Variants in SPAG9 observed in about 807,000 individuals in gnomAD.
The protein encoded by SPAG9 is sperm associated antigen 9.
A neutral mutation model predicts 166.5 loss-of-function variants in SPAG9; 35 were observed. The observed-to-expected ratio is 0.21, with a 90% CI of 0.16 to 0.28. SPAG9 has a LOEUF of 0.28. SPAG9 is among the 10% of genes least tolerant of loss of function. The pLI is 1.00. For missense variants in SPAG9, 1,235 were observed against 1,603.3 expected (o/e 0.77, Z 3.92); for synonymous variants, 534 against 565.5 (o/e 0.94, Z 0.79).
In SPAG9 at chr17:51,108,076, T is replaced by A. The variant is rs1377296536; in HGVS notation, c.303+12278A>T. Among the ~76,000 whole-genome samples, 3 of 144,460 alleles carry A rather than the reference T, an allele frequency of 2.1e-5. No homozygotes were observed. The Admixed American group carries it at 2.1e-4, about 10-fold the overall frequency. The allele number at this position is 144,460 out of a possible 152,430, so 94.8% of individuals were successfully genotyped here. A position where few individuals can be genotyped will look rare whatever the true frequency, so the allele number is the denominator to read the frequency against. On this transcript the variant is annotated intron_variant, in intron 1 of 29. Transcript: ENST00000262013. ...AGAAACAAGATATCCTGGAAATACA[T>A]GATTTAAGAAAAAAAAAAAAAAAAG... is the stretch of plus-strand genomic sequence containing the variant.
rs778222462 is a variant in SPAG9 at position 50,995,101 on chromosome 17, T to C, written c.2182A>G (p.Ser728Gly). ...TTATCTAAACTACTCTGAGAGGCAC[T>C]TCGCTGTTTACTGCCTTCTGTATCC... ...GLDTEGSKQR[S>G]ASQSSLDKLD... The change falls in exon 18 of 30, where the codon AGT (serine) becomes GGT (glycine). Residue 728 changes from serine to glycine, a missense_variant. Coordinates refer to ENST00000262013, the MANE Select transcript of SPAG9 (RefSeq NM_001130528.3). 2 of 1,613,978 alleles carry C rather than the reference T, an allele frequency of 1.2e-6. No individual in the cohort carries two copies. Among genetic ancestry groups the C allele is most frequent in the Non-Finnish European group, 1.7e-6 (2 of 1,179,992 alleles).
In SPAG9 at chr17:50,979,859, C is replaced by T; in HGVS notation, c.3296G>A (p.Gly1099Glu). ...GCGAATGGAGACCCACACGCCATCC[C>T]CCACCCACGCAAGCTGTCGCACTTG... ...ESQVRQLAWV[G>E]DGVWVSIRLD... Residue 1099 changes from glycine to glutamate, a missense_variant, in exon 26 of 30, where the codon GGG (glycine) becomes GAG (glutamate). Gly to Glu is a moderately conservative substitution (Grantham distance 98). Coordinates refer to ENST00000262013, the MANE Select transcript of SPAG9 (RefSeq NM_001130528.3). 1 of 1,614,142 alleles carries T rather than the reference C, an allele frequency of 6.2e-7. No individual in the cohort carries two copies. The highest frequency in any genetic ancestry group is 1.7e-5 in the Admixed American group (1 of 60,022).
chr17:50,985,704 C>T lies in SPAG9; in HGVS notation c.3014G>A (p.Ser1005Asn). The T allele has an allele frequency of 2.5e-6, 4 of 1,581,870 alleles. No homozygotes were observed. Among genetic ancestry groups the T allele is most frequent in the Non-Finnish European group, 3.5e-6 (4 of 1,152,362 alleles). The change falls in exon 23 of 30, where the codon AGT (serine) becomes AAT (asparagine). Residue 1005 changes from serine (S) to asparagine (N), a missense_variant. Physicochemically the swap from Ser to Asn is conservative, Grantham distance 46. This residue lies in a region of SPAG9 where 493 missense variants were observed against 559.4 expected (regional missense o/e 0.88). Coordinates refer to ENST00000262013, the MANE Select transcript of SPAG9 (RefSeq NM_001130528.3). The stretch of plus-strand genomic sequence containing the variant: ...TTTCCAAAATAAAACTTACACAATA[C>T]TGAGAATCGAATCTTTAAGTTTAAT... The part of the protein sequence containing the change: ...HSIKLKDSIL[S>N]IVHVKGIVLV...
In SPAG9 at chr17:51,120,277, C is replaced by T; in HGVS notation, c.303+77G>A. The stretch of plus-strand genomic sequence containing the variant: ...CCAGGAGGCCCGTCGCGCCTCTAGT[C>T]CCCGACCGGGCCGCGACCCCGCCCC... On this transcript the variant is annotated intron_variant, in intron 1 of 29. Transcript: ENST00000262013. This position sits in a 1 kb window ranked among gnomAD's most constrained non-coding sequence, Gnocchi z 4.7. 1 of 1,267,862 alleles carries T rather than the reference C, an allele frequency of 7.9e-7. No homozygotes were observed. Among genetic ancestry groups the T allele is most frequent in the South Asian group, 1.6e-5 (1 of 63,290 alleles). The allele number at this position is 1,267,862 out of a possible 1,614,324, so 78.5% of individuals were successfully genotyped here. A position where few individuals can be genotyped will look rare whatever the true frequency, so the allele number is the denominator to read the frequency against.
In SPAG9 at chr17:51,120,540, G is replaced by C; in HGVS notation, c.117C>G (p.Ile39Met). 1 of 1,613,874 alleles carries C rather than the reference G, an allele frequency of 6.2e-7. No homozygotes were observed. Among genetic ancestry groups the C allele is most frequent in the African/African-American group, 1.3e-5 (1 of 75,014 alleles). The change falls in exon 1 of 30, where the codon ATC becomes ATG. Residue 39 changes from isoleucine (I) to methionine (M), a missense_variant. Coordinates refer to ENST00000262013, the MANE Select transcript of SPAG9 (RefSeq NM_001130528.3). This position sits in a 1 kb window ranked among gnomAD's most constrained non-coding sequence, Gnocchi z 4.7. Reference protein sequence around the residue: ...GSIYREFERLIGRYDEEVVKE... With the variant: ...GSIYREFERLMGRYDEEVVKE... ...TGACCACCTCCTCGTCATAGCGCCC[G>C]ATAAGCCGCTCGAACTCGCGGTAGA... is the stretch of plus-strand genomic sequence containing the variant.
At chr17:51,093,538 T>C (rs112573895) in intron 1 of SPAG9, among the ~76,000 whole-genome samples, 317 of 151,414 alleles carry the variant, frequency 2.1e-3, no homozygotes, top group Non-Finnish European at 3.7e-3. Context: ...CCGTCTCTAC[T>C]AAAAAAATCA....
intron 1 of SPAG9, among the ~76,000 whole-genome samples, chr17:51,080,752 G>T (rs557208158): frequency 9.1e-4 from 138 of 151,922 alleles, no homozygotes; most frequent in African/African-American, 3.1e-3. Context: ...ATGGTGGCAC[G>T]TTCCTGTAAT....
At chr17:51,091,474 T>G (rs1206206673) in intron 1 of SPAG9, among the ~76,000 whole-genome samples, 1 of 151,848 alleles carries the variant, frequency 6.6e-6, no homozygotes, top group Non-Finnish European at 1.5e-5. Context: ...CAGTTTTTTT[T>G]GTTTGTTTTT....
chr17:51,025,316 C>CAA (rs10549685), intron 6 of SPAG9, among the ~76,000 whole-genome samples: 893 of 61,066 alleles, frequency 0.015, 111 homozygotes, highest in Non-Finnish European at 0.017. Context: ...GACTCTGTCT[C>CAA]AAAAAAAAAA....
chr17:51,018,984 GA>G (rs1488515552), intron 8 of SPAG9, among the ~76,000 whole-genome samples: 1 of 152,180 alleles, frequency 6.6e-6, no homozygotes, highest in Non-Finnish European at 1.5e-5. Context: ...TTGCCAATGT[GA>G]TAGTATTAAG....
At chr17:51,078,481 T>A (rs1034914346) in intron 2 of SPAG9, among the ~76,000 whole-genome samples, 1 of 152,136 alleles carries the variant, frequency 6.6e-6, no homozygotes, top group Non-Finnish European at 1.5e-5. Flanking sequence ...CCTTCATGAG[T>A]AATGTGGATA....
In SPAG9 at chr17:51,089,661, T is replaced by TATATAC. The variant is rs1426675943; in HGVS notation, c.304-9958_304-9957insGTATAT. Among the ~76,000 whole-genome samples the TATATAC allele has an allele frequency of 3.9e-4, 38 of 97,862 alleles. No homozygotes were observed. The East Asian group carries it at 5.3e-3, about 14-fold the overall frequency. The allele number at this position is 97,862 out of a possible 152,430, so 64.2% of individuals were successfully genotyped here. A position where few individuals can be genotyped will look rare whatever the true frequency, so the allele number is the denominator to read the frequency against. On this transcript the variant is annotated intron_variant, in intron 1 of 29. Transcript: ENST00000262013. Reference sequence around the variant, plus strand: ...ATATATATATATATATATATATATATATACACATACACACACACACTTTCT... The same window carrying TATATAC: ...ATATATATATATATATATATATATATATATACATACACATACACACACACACTTTCT...
At chr17:51,017,552 C>G (rs1331737358) in intron 8 of SPAG9, among the ~76,000 whole-genome samples, 8 of 142,516 alleles carry the variant, frequency 5.6e-5, no homozygotes, top group South Asian at 2.2e-4. Context: ...GAGAGAGAGA[C>G]AGAGGGTTCT....
At chr17:51,052,427 A>C (rs2047206239) in intron 3 of SPAG9, among the ~76,000 whole-genome samples, 1 of 152,176 alleles carries the variant, frequency 6.6e-6, no homozygotes. Flanking sequence ...TCCTTCCTTG[A>C]GGCAAAACAA....
intron 8 of SPAG9, 77 bp downstream of exon 8, chr17:51,020,082 C>A: frequency 1.3e-6 from 1 of 799,390 alleles, no homozygotes; most frequent in East Asian, 2.5e-5. Context: ...CCATTTTGTC[C>A]AGAGACTGGA....
intron 2 of SPAG9, among the ~76,000 whole-genome samples, chr17:51,072,904 T>C (rs939245646): frequency 6.6e-6 from 1 of 152,108 alleles, no homozygotes; most frequent in East Asian, 1.9e-4. Flanking sequence ...AAATAAGAAG[T>C]TTTTAGGCTG....
intron 2 of SPAG9, among the ~76,000 whole-genome samples, chr17:51,060,534 A>G (rs2047480746): frequency 6.6e-6 from 1 of 150,600 alleles, no homozygotes; most frequent in East Asian, 2.0e-4. Flanking sequence ...AAAAGGCAGA[A>G]GAAGGTAGGT....
chr17:51,037,755 G>A (rs893500656), intron 5 of SPAG9, among the ~76,000 whole-genome samples: 13 of 132,788 alleles, frequency 9.8e-5, no homozygotes, highest in East Asian at 4.7e-4. Context: ...AAAAAGAGAC[G>A]GAGTCCCACT....
intron 8 of SPAG9, among the ~76,000 whole-genome samples, chr17:51,015,147 T>C (rs2144110964): frequency 6.6e-6 from 1 of 152,174 alleles, no homozygotes; most frequent in Non-Finnish European, 1.5e-5. Context: ...CAAAATTCTG[T>C]AAGATGGAAA....
Sources: gnomAD v4.1 joint callset for allele counts (sites outside exome capture counted in the v4.1 genomes callset) on GRCh38, gnomAD v4.1.1 for gene constraint, gnomAD v4.1.1 regional missense constraint, Gnocchi (gnomAD v3.1) non-coding constraint, MANE v1.5 for transcripts, NCBI Gene and HGNC (gene_info 2026-07-23, HGNC 2026-07-21) for gene names.